The following STARD6 variants were observed in gnomAD, a reference collection of about 807,000 sequenced individuals.
The protein encoded by STARD6 is StAR related lipid transfer domain containing 6.
STARD6 carries 21 observed loss-of-function variants against 22.3 expected under a neutral mutation model. That is an observed-to-expected ratio of 0.94 (90% confidence interval 0.67 to 1.35). STARD6 has a LOEUF of 1.35. STARD6 is among the 40% of genes most tolerant of loss of function. The pLI, the probability that STARD6 is intolerant of heterozygous loss-of-function variation, is 0.00. For synonymous variants in STARD6, 80 were observed against 88.1 expected, an observed-to-expected ratio of 0.91 and a Z score of 0.52; for missense variants, 269 against 266.9, an observed-to-expected ratio of 1.01 and a Z score of -0.05.
intron 2 of STARD6, among the ~76,000 whole-genome samples, chr18:54,355,011 C>T (rs2089131662): frequency 6.6e-6 from 1 of 152,180 alleles, no homozygotes; most frequent in African/African-American, 2.4e-5. Context: ...AATCACACGT[C>T]CTTTGTCTTG....
At chr18:54,331,005 C>T (rs1488176749) in intron 6 of STARD6, among the ~76,000 whole-genome samples, 2 of 151,706 alleles carry the variant, frequency 1.3e-5, no homozygotes, top group Non-Finnish European at 2.9e-5. Context: ...ATGTAGAGTA[C>T]TAAAGATATC....
chr18:54,334,567 C>A (rs533362390), intron 5 of STARD6, among the ~76,000 whole-genome samples: 3 of 152,028 alleles, frequency 2.0e-5, no homozygotes, highest in East Asian at 1.9e-4. Flanking sequence ...CTAAACACTG[C>A]CAAACTCTTT....
chr18:54,342,891 G>A (rs1275464379), intron 4 of STARD6, among the ~76,000 whole-genome samples: 9 of 7,314 alleles, frequency 1.2e-3, no homozygotes, highest in African/African-American at 1.0e-2. Flanking sequence ...ACCCCGTCTG[G>A]GAAGTGAGGA....
intron 5 of STARD6, among the ~76,000 whole-genome samples, chr18:54,336,749 A>T (rs1332164797): frequency 6.6e-6 from 1 of 152,182 alleles, no homozygotes. Context: ...GCCTTCTGCC[A>T]TGATTGTAAG....
In STARD6 at chr18:54,338,554, A is replaced by T. The variant is rs186580562; in HGVS notation, c.141-1303T>A. Among the ~76,000 whole-genome samples, 637 of 152,168 alleles carry T rather than the reference A, an allele frequency of 4.2e-3. 9 individuals are homozygous for T. The highest frequency in any genetic ancestry group is 0.015 in the African/African-American group (620 of 41,498). On this transcript the variant is annotated intron_variant, in intron 4 of 7. Transcript: ENST00000307844. ...ACCAAACAGATGAACAAATGACCAA[A>T]CAAATAACCACAAACCCAGGATGGG... is the stretch of plus-strand genomic sequence containing the variant.
rs907998861 is a variant in STARD6, at chr18:54,336,991, C to T, written c.267+134G>A. 1.9e-5 allele frequency: 15 copies of T among 780,734 alleles called. No homozygotes were observed. The African/African-American group carries it at 2.3e-4, about 12-fold the overall frequency. 48.4% of individuals were successfully genotyped at this position (780,734 alleles called of 1,614,324 possible). A position where few individuals can be genotyped will look rare whatever the true frequency, so the allele number is the denominator to read the frequency against. ...GTTGGAAAGTAGGGAAGTTTTAAAG[C>T]TTTTATAAAGACTTCAAGTCAATTT... On this transcript the variant is annotated intron_variant, in intron 5 of 7. Coordinates refer to ENST00000307844, the MANE Select transcript of STARD6 (RefSeq NM_139171.2).
At chr18:54,346,065 T>C (rs528065045) in intron 4 of STARD6, among the ~76,000 whole-genome samples, 1 of 152,178 alleles carries the variant, frequency 6.6e-6, no homozygotes, top group East Asian at 1.9e-4. Flanking sequence ...GACGGATAAA[T>C]TGAACTTCAA....
chr18:54,342,316 C>A (rs1287449836), intron 4 of STARD6, among the ~76,000 whole-genome samples: 1 of 152,198 alleles, frequency 6.6e-6, no homozygotes, highest in South Asian at 2.1e-4. Flanking sequence ...AAAATTTTTA[C>A]ATAAATCCTC....
chr18:54,334,763 C>T (rs375165313), intron 5 of STARD6, among the ~76,000 whole-genome samples: 22 of 152,230 alleles, frequency 1.4e-4, no homozygotes, highest in African/African-American at 4.8e-4. Flanking sequence ...TATTATCCTA[C>T]ATAACACTTA....
intron 7 of STARD6, among the ~76,000 whole-genome samples, chr18:54,327,619 C>A (rs193069323): frequency 2.8e-4 from 43 of 152,134 alleles, no homozygotes; most frequent in Admixed American, 2.4e-3. Flanking sequence ...CAATGTTTAG[C>A]GCATGCTGGG....
chr18:54,351,845 A>G (rs1479821304), intron 4 of STARD6, among the ~76,000 whole-genome samples: 1 of 141,946 alleles, frequency 7.0e-6, no homozygotes, highest in Non-Finnish European at 1.5e-5. Flanking sequence ...GGATTAGGTT[A>G]GCTAGTATTT....
At chr18:54,338,019 C>T (rs774938200) in intron 4 of STARD6, among the ~76,000 whole-genome samples, 1 of 152,052 alleles carries the variant, frequency 6.6e-6, no homozygotes, top group Non-Finnish European at 1.5e-5. Context: ...GTTTATGCAC[C>T]GGCTCTGCCT....
chr18:54,351,919 T>G (rs1398708789), intron 4 of STARD6, among the ~76,000 whole-genome samples: 1 of 138,944 alleles, frequency 7.2e-6, no homozygotes, highest in Admixed American at 7.2e-5. Flanking sequence ...TTTTTTTTTT[T>G]TTAATGTCCT....
intron 4 of STARD6, among the ~76,000 whole-genome samples, chr18:54,350,098 C>A (rs1225417827): frequency 6.6e-6 from 1 of 152,164 alleles, no homozygotes; most frequent in Non-Finnish European, 1.5e-5. Flanking sequence ...TACCTTCCCA[C>A]CAACAGTGTA....
At chr18:54,354,178 G>C in intron 3 of STARD6, 75 bp from the exon 4 acceptor site, 1 of 953,548 alleles carries the variant, frequency 1.0e-6, no homozygotes, top group Non-Finnish European at 1.6e-6. Flanking sequence ...ACTAACAAAA[G>C]TAAAAACACT....
At chr18:54,341,128 C>T (rs1323251838) in intron 4 of STARD6, among the ~76,000 whole-genome samples, 2 of 152,166 alleles carry the variant, frequency 1.3e-5, no homozygotes, top group Non-Finnish European at 1.5e-5. Flanking sequence ...GGCGCGATCT[C>T]GGCTCACTGC....
intron 7 of STARD6, 44 bp from the exon 8 acceptor site, chr18:54,324,919 A>G: frequency 6.9e-7 from 1 of 1,442,962 alleles, no homozygotes; most frequent in Non-Finnish European, 9.1e-7. Flanking sequence ...AAATTTTTAG[A>G]TTTAACTACT....
intron 7 of STARD6, among the ~76,000 whole-genome samples, chr18:54,328,524 C>T (rs1363972394): frequency 3.9e-5 from 6 of 152,276 alleles, no homozygotes; most frequent in Non-Finnish European, 8.8e-5. Context: ...TCTGCATCAA[C>T]AATCGTATAC....
At chr18:54,355,905 T>C (rs1819611218) in intron 2 of STARD6, 1 of 152,212 alleles carries the variant, frequency 6.6e-6, no homozygotes, top group South Asian at 2.1e-4. Context: ...TGTCACTTAG[T>C]ACAGCTATAT....
Sources: gnomAD v4.1 joint callset for allele counts (sites outside exome capture counted in the v4.1 genomes callset) on GRCh38, gnomAD v4.1.1 for gene constraint, MANE v1.5 for transcripts, NCBI Gene and HGNC (gene_info 2026-07-23, HGNC 2026-07-21) for gene names.